Variants in TENT4B observed in about 807,000 individuals in gnomAD.
The protein encoded by TENT4B is terminal nucleotidyltransferase 4B.
In TENT4B, 10 loss-of-function variants were observed where a neutral mutation model predicts 75.0. The ratio of observed to expected loss-of-function variants is 0.13; its 90% CI spans 0.08 to 0.23. TENT4B has a LOEUF of 0.23. Ranked by LOEUF, TENT4B falls within the 10% of genes least tolerant of loss-of-function variation. The pLI is 1.00. For missense variants in TENT4B, 579 were observed against 893.8 expected, an observed-to-expected ratio of 0.65 and a Z score of 4.49; for synonymous variants, 350 against 357.7, an observed-to-expected ratio of 0.98 and a Z score of 0.24.
chr16:50,175,261 G>C (rs1485834110), intron 1 of TENT4B, among the ~76,000 whole-genome samples: 5 of 152,044 alleles, frequency 3.3e-5, no homozygotes, highest in Non-Finnish European at 7.4e-5. Context: ...CTTAAATAGT[G>C]TCTTTTGCAG....
At chr16:50,211,779 A>T (rs548059559) in intron 2 of TENT4B, among the ~76,000 whole-genome samples, 1 of 152,342 alleles carries the variant, frequency 6.6e-6, no homozygotes, top group South Asian at 2.1e-4. Context: ...TGGATATGAT[A>T]TATCAAAACC....
intron 5 of TENT4B, among the ~76,000 whole-genome samples, chr16:50,221,923 C>T (rs139012468): frequency 0.017 from 2,569 of 152,218 alleles, 32 homozygotes; most frequent in Non-Finnish European, 0.027. Context: ...ACCACCACTC[C>T]TGGCTATTTT....
intron 1 of TENT4B, among the ~76,000 whole-genome samples, chr16:50,186,006 A>G (rs2038519086): frequency 6.6e-6 from 1 of 152,198 alleles, no homozygotes; most frequent in African/African-American, 2.4e-5. Context: ...ACATTTTTAT[A>G]GATATCCAGT....
In TENT4B at chr16:50,233,512, TG is replaced by T; in HGVS notation, c.*4186del. 1 of 985,164 alleles carries T rather than the reference TG, an allele frequency of 1.0e-6. No homozygotes were observed. The highest frequency in any genetic ancestry group is 1.2e-6 in the Non-Finnish European group (1 of 829,706). 61.0% of individuals were successfully genotyped at this position (985,164 alleles called of 1,614,324 possible). On this transcript the variant is annotated 3_prime_UTR_variant, in exon 12 of 12. Transcript: ENST00000561678. ...CCCTTAGCGACTTTTCTTTTTTTTT[TG>T]GTCAAAGATAATGAGCTAAATATAT...
intron 1 of TENT4B, among the ~76,000 whole-genome samples, chr16:50,180,728 G>A (rs1365371386): frequency 2.1e-5 from 3 of 145,466 alleles, no homozygotes; most frequent in East Asian, 2.0e-4. Context: ...AAAAAAAATC[G>A]TATGCAGTAA....
intron 1 of TENT4B, among the ~76,000 whole-genome samples, chr16:50,182,226 T>A (rs1003281674): frequency 2.6e-5 from 4 of 151,842 alleles, no homozygotes; most frequent in African/African-American, 7.3e-5. Context: ...AAGACTACAC[T>A]ACAGCCCGGG....
At chr16:50,158,622 T>C (rs905987306) in intron 1 of TENT4B, among the ~76,000 whole-genome samples, 1 of 152,192 alleles carries the variant, frequency 6.6e-6, no homozygotes, top group Non-Finnish European at 1.5e-5. Flanking sequence ...GTCCAGAAAC[T>C]TCTTCTGGAA....
At chr16:50,217,278 T>C (rs2031609159) in intron 4 of TENT4B, among the ~76,000 whole-genome samples, 1 of 152,126 alleles carries the variant, frequency 6.6e-6, no homozygotes, top group African/African-American at 2.4e-5. Context: ...ACCTTAAATA[T>C]AAACAATAAA....
At chr16:50,215,462 A>G (rs1444150657) in intron 3 of TENT4B, among the ~76,000 whole-genome samples, 1 of 152,206 alleles carries the variant, frequency 6.6e-6, no homozygotes, top group African/African-American at 2.4e-5. Context: ...TTCTTAAAAA[A>G]TTTAATTAAA....
chr16:50,207,221 G>T (rs2031032248), intron 1 of TENT4B, among the ~76,000 whole-genome samples: 1 of 151,746 alleles, frequency 6.6e-6, no homozygotes, highest in African/African-American at 2.4e-5. Flanking sequence ...TTGCTCTGTT[G>T]CCCAGGCTGG....
At chr16:50,210,981 C>T (rs978403615) in intron 1 of TENT4B, among the ~76,000 whole-genome samples, 2 of 152,202 alleles carry the variant, frequency 1.3e-5, no homozygotes, top group African/African-American at 4.8e-5. Flanking sequence ...GAGGGTCAGT[C>T]CCTACTGCCA....
intron 5 of TENT4B, among the ~76,000 whole-genome samples, chr16:50,220,752 C>T (rs1351489842): frequency 6.6e-6 from 1 of 151,610 alleles, no homozygotes; most frequent in African/African-American, 2.4e-5. Context: ...TGGTCTTGAA[C>T]TCCTGACCTC....
In TENT4B at chr16:50,198,634, G is replaced by A. The variant is rs140016420; in HGVS notation, c.639-12689G>A. Among the ~76,000 whole-genome samples the A allele has an allele frequency of 9.9e-5, 15 of 152,178 alleles. No individual in the cohort carries two copies. In the East Asian group the frequency reaches 2.7e-3, roughly 27 times the overall value. On this transcript the variant is annotated intron_variant, in intron 1 of 11. Coordinates refer to ENST00000561678, the MANE Select transcript of TENT4B (RefSeq NM_001365324.3). ...ATATAATTTAAATTAAAATCCCACTGATTTTTTTGTGGGGAGGGTGGGAGA... is the reference window on the plus strand; with the variant it reads ...ATATAATTTAAATTAAAATCCCACTAATTTTTTTGTGGGGAGGGTGGGAGA...
chr16:50,184,364 T>A (rs943523178), intron 1 of TENT4B, among the ~76,000 whole-genome samples: 1 of 152,100 alleles, frequency 6.6e-6, no homozygotes, highest in Non-Finnish European at 1.5e-5. Context: ...TGTTTTCCAT[T>A]GACTATTAAG....
At position 50,234,750 on chromosome 16, in the gene TENT4B, C is replaced by T. The variant is rs2032396297; in HGVS notation, c.*5422C>T. The T allele has an allele frequency of 1.0e-6, 1 of 985,314 alleles. No homozygotes were observed. The highest frequency in any genetic ancestry group is 1.2e-6 in the Non-Finnish European group (1 of 829,948). The allele number at this position is 985,314 out of a possible 1,614,324, so 61.0% of individuals were successfully genotyped here. On this transcript the variant is annotated 3_prime_UTR_variant, in exon 12 of 12. Transcript: ENST00000561678. ...TAAAAAGCAGCACTGCCTTAACACA[C>T]ATTGTTATGGGTGAAAAGTGAGGGA...
chr16:50,215,672 T>C (rs1184124414), intron 3 of TENT4B, among the ~76,000 whole-genome samples: 1 of 152,240 alleles, frequency 6.6e-6, no homozygotes, highest in Non-Finnish European at 1.5e-5. Context: ...GGTAGCATGC[T>C]GGATACCTGT....
chr16:50,174,137 G>A (rs1250333697), intron 1 of TENT4B, among the ~76,000 whole-genome samples: 16 of 151,894 alleles, frequency 1.1e-4, no homozygotes, highest in South Asian at 2.1e-4. Flanking sequence ...TTGCTCTGTC[G>A]CCCAGTCTGG....
At chr16:50,219,107 T>C (rs767444496) in intron 5 of TENT4B, among the ~76,000 whole-genome samples, 1 of 152,140 alleles carries the variant, frequency 6.6e-6, no homozygotes, top group Non-Finnish European at 1.5e-5. Context: ...TGTGTGTGTG[T>C]GTCTGTCTAA....
At chr16:50,183,669 C>G (rs1222667168) in intron 1 of TENT4B, among the ~76,000 whole-genome samples, 2 of 152,094 alleles carry the variant, frequency 1.3e-5, no homozygotes, top group Non-Finnish European at 2.9e-5. Flanking sequence ...ATCACATACA[C>G]AGGAACTCGA....
Sources: gnomAD v4.1 joint callset for allele counts (sites outside exome capture counted in the v4.1 genomes callset) on GRCh38, gnomAD v4.1.1 for gene constraint, MANE v1.5 for transcripts, NCBI Gene and HGNC (gene_info 2026-07-23, HGNC 2026-07-21) for gene names.